VPS36: variants seen among roughly 807,000 people sequenced by gnomAD.
VPS36 encodes vacuolar protein sorting 36 homolog.
In VPS36, 31 loss-of-function variants were observed where a neutral mutation model predicts 63.5. The observed-to-expected ratio is 0.49, with a 90% confidence interval of 0.37 to 0.66. The LOEUF (loss-of-function observed/expected upper bound fraction) is 0.66. VPS36 is among the 30% of genes least tolerant of loss of function. The pLI, the probability that VPS36 is intolerant of heterozygous loss-of-function variation, is 0.00. For synonymous variants in VPS36, 138 were observed against 157.2 expected (o/e 0.88, Z 0.91); for missense variants, 338 against 463.7 (o/e 0.73, Z 2.49).
chr13:52,450,116 G>T, intron 1 of VPS36: 1 of 993,542 alleles, frequency 1.0e-6, no homozygotes, highest in Non-Finnish European at 1.2e-6. Context: ...TCGTCAGGGG[G>T]TCTGGAACCA....
chr13:52,444,416 C>A (rs940057956), intron 1 of VPS36, among the ~76,000 whole-genome samples: 1 of 151,056 alleles, frequency 6.6e-6, no homozygotes, highest in Non-Finnish European at 1.5e-5. Flanking sequence ...GCCGAGATCG[C>A]GCCACTGCAC....
intron 2 of VPS36, among the ~76,000 whole-genome samples, chr13:52,440,348 CA>C (rs1310746080): frequency 3.3e-5 from 5 of 151,962 alleles, no homozygotes; most frequent in African/African-American, 1.2e-4. Flanking sequence ...GGCTGGAGTG[CA>C]ATGGCGCAAT....
At chr13:52,427,868 G>T (rs1363881588) in intron 6 of VPS36, among the ~76,000 whole-genome samples, 1 of 152,072 alleles carries the variant, frequency 6.6e-6, no homozygotes, top group Middle Eastern at 3.2e-3. Context: ...ACTGTCACTG[G>T]TTTTTTCTAA....
chr13:52,434,789 A>T lies in VPS36; in HGVS notation c.441+4T>A, dbSNP rs768551097. ...ACTGGATTAGCAAATAGTTTTAAAA[A>T]TACCTGGGGTCCTCTATTTGTTTGT... is the stretch of plus-strand genomic sequence containing the variant. On this transcript the variant is annotated splice_donor_region_variant and intron_variant, in intron 5 of 13. Coordinates refer to ENST00000378060, the MANE Select transcript of VPS36 (RefSeq NM_016075.4). The T allele has an allele frequency of 3.7e-6, 6 of 1,610,726 alleles. No individual in the cohort carries two copies. The highest frequency in any genetic ancestry group is 1.1e-5 in the South Asian group (1 of 90,362).
intron 3 of VPS36, 56 bp downstream of exon 3, chr13:52,439,042 A>G (rs1958246475): frequency 1.3e-6 from 2 of 1,535,510 alleles, no homozygotes; most frequent in East Asian, 2.3e-5. Context: ...CTCTTGGCCA[A>G]TAGCATAACA....
intron 10 of VPS36, 63 bp from the exon 11 acceptor site, chr13:52,418,119 A>G (rs1958010025): frequency 7.3e-7 from 1 of 1,366,300 alleles, no homozygotes; most frequent in South Asian, 1.3e-5. Flanking sequence ...ACAGAAGAGT[A>G]TATTTTAAAA....
intron 2 of VPS36, among the ~76,000 whole-genome samples, chr13:52,439,560 T>C (rs959904840): frequency 6.6e-6 from 1 of 152,018 alleles, no homozygotes; most frequent in Non-Finnish European, 1.5e-5. Context: ...ATTCTCCTGC[T>C]TCAGCCTCCC....
At chr13:52,431,434 G>GATTT (rs1958152977) in intron 6 of VPS36, among the ~76,000 whole-genome samples, 1 of 152,118 alleles carries the variant, frequency 6.6e-6, no homozygotes, top group African/African-American at 2.4e-5. Flanking sequence ...TTACTAGCAG[G>GATTT]CAGATTGTGG....
chr13:52,437,292 C>A (rs1215761533), intron 3 of VPS36, among the ~76,000 whole-genome samples: 1 of 152,062 alleles, frequency 6.6e-6, no homozygotes, highest in African/African-American at 2.4e-5. Context: ...GTGGGGCCAG[C>A]CTTGTAAGGA....
Position 52,442,143 on chromosome 13 carries a change from G to C in VPS36, c.165+234C>G, listed in dbSNP as rs1196167385. On this transcript the variant is annotated intron_variant, in intron 2 of 13. Coordinates refer to ENST00000378060, the MANE Select transcript of VPS36 (RefSeq NM_016075.4). ...ATTCAGAAAAGTAAAATTTATTATT[G>C]CATTCATTATATAAGTTTTATTAGA... Among the ~76,000 whole-genome samples, 3 of 152,130 alleles carry C rather than the reference G, an allele frequency of 2.0e-5. No individual in the cohort carries two copies. In the South Asian group the frequency reaches 6.2e-4, roughly 32 times the overall value.
chr13:52,425,979 T>G lies in VPS36; in HGVS notation c.727A>C (p.Met243Leu). Residue 243 changes from methionine to leucine, a missense_variant, in exon 9 of 14, where the codon ATG becomes CTG. By Grantham distance (15) the Met-to-Leu change is conservative. Transcript: ENST00000378060. ...CCAGCCAGTTGTTTGGCCAGCTGCATGTGGTACTGTGTGCCTGAGCCGTAG... is the reference window on the plus strand; with the variant it reads ...CCAGCCAGTTGTTTGGCCAGCTGCAGGTGGTACTGTGTGCCTGAGCCGTAG... ...ETYGSGTQYH[M>L]QLAKQLAGIL... is the part of the protein sequence containing the mutation. The G allele has an allele frequency of 2.5e-6, 4 of 1,614,168 alleles. No individual in the cohort carries two copies. The highest frequency in any genetic ancestry group is 3.4e-6 in the Non-Finnish European group (4 of 1,180,002).
In VPS36 at chr13:52,426,061, G is replaced by C; in HGVS notation, c.645C>G (p.Ile215Met). Residue 215 changes from isoleucine to methionine, a missense_variant, in exon 9 of 14, where the codon ATC (isoleucine) becomes ATG (methionine). Ile to Met is a conservative substitution (Grantham distance 10). Coordinates refer to ENST00000378060, the MANE Select transcript of VPS36 (RefSeq NM_016075.4). ...TGCTCAGCAAGTAGGATTTAAACCTGATGGTCTATAATAAAAAAGGAGAAA... is the reference window on the plus strand; with the variant it reads ...TGCTCAGCAAGTAGGATTTAAACCTCATGGTCTATAATAAAAAAGGAGAAA... ...KQGDITEDET[I>M]RFKSYLLSMG... 1 of 1,611,676 alleles carries C rather than the reference G, an allele frequency of 6.2e-7. No homozygotes were observed. Among genetic ancestry groups the C allele is most frequent in the South Asian group, 1.1e-5 (1 of 90,348 alleles).
intron 6 of VPS36, among the ~76,000 whole-genome samples, chr13:52,432,123 C>T (rs530579679): frequency 2.1e-4 from 32 of 152,196 alleles, no homozygotes; most frequent in Non-Finnish European, 3.2e-4. Context: ...GAGGCCGCGG[C>T]GGCGGATCAC....
At position 52,415,739 on chromosome 13, in the gene VPS36, C is replaced by T; in HGVS notation, c.*91G>A. 1 of 1,174,086 alleles carries T rather than the reference C, an allele frequency of 8.5e-7. No individual in the cohort carries two copies. Among genetic ancestry groups the T allele is most frequent in the Non-Finnish European group, 1.2e-6 (1 of 806,334 alleles). 72.7% of individuals were successfully genotyped at this position (1,174,086 alleles called of 1,614,324 possible). The stretch of plus-strand genomic sequence containing the variant: ...GCACTGTGAAGTTCCAATAAATTCT[C>T]AATTGATCGGGGTTTATCTCTTAGC... On this transcript the variant is annotated 3_prime_UTR_variant, in exon 14 of 14. Coordinates refer to ENST00000378060, the MANE Select transcript of VPS36 (RefSeq NM_016075.4).
At chr13:52,442,818 T>G (rs1178663764) in intron 1 of VPS36, among the ~76,000 whole-genome samples, 1 of 152,176 alleles carries the variant, frequency 6.6e-6, no homozygotes, top group East Asian at 1.9e-4. Flanking sequence ...AGTATATGTG[T>G]GTGTCTGCAG....
At chr13:52,445,176 A>T (rs1338197004) in intron 1 of VPS36, among the ~76,000 whole-genome samples, 1 of 152,244 alleles carries the variant, frequency 6.6e-6, no homozygotes, top group Non-Finnish European at 1.5e-5. Flanking sequence ...TCTCAGAATC[A>T]GAAATAAAAC....
At chr13:52,444,408 C>G (rs566896953) in intron 1 of VPS36, among the ~76,000 whole-genome samples, 1 of 151,050 alleles carries the variant, frequency 6.6e-6, no homozygotes, top group Admixed American at 6.6e-5. Context: ...TGCAGTGAGC[C>G]GAGATCGCGC....
At chr13:52,450,226 G>C (rs973061306) in intron 1 of VPS36, 1 of 1,081,814 alleles carries the variant, frequency 9.2e-7, no homozygotes, top group Non-Finnish European at 1.1e-6. Context: ...AAGCATTCCG[G>C]GCGGAGGGAA....
At position 52,417,094 on chromosome 13, in the gene VPS36, T is replaced by A; in HGVS notation, c.953A>T (p.His318Leu). ...SGVMVIELQS[H>L]KEEEMVASAL... is the part of the protein sequence containing the mutation. ...CGAGGCCACCATTTCCTCTTCCTTG[T>A]GAGACTGAAGCTCAATTACCATGAC... The change falls in exon 12 of 14, where the codon CAC becomes CTC. Residue 318 changes from histidine (H) to leucine (L), a missense_variant. Physicochemically the swap from His to Leu is moderately conservative, Grantham distance 99. Transcript: ENST00000378060. The A allele has an allele frequency of 6.2e-7, 1 of 1,614,080 alleles. No homozygotes were observed. Among genetic ancestry groups the A allele is most frequent in the Non-Finnish European group, 8.5e-7 (1 of 1,180,000 alleles).
Sources: allele counts gnomAD v4.1 joint callset (sites outside exome capture counted in the v4.1 genomes callset), GRCh38; gene constraint gnomAD v4.1.1; transcripts MANE v1.5; gene names NCBI Gene and HGNC (gene_info 2026-07-23, HGNC 2026-07-21).